The following PCYT1A variants were observed in gnomAD, a reference collection of about 807,000 sequenced individuals.
The protein encoded by PCYT1A is phosphate cytidylyltransferase 1A, choline, also known as choline-phosphate cytidylyltransferase A.
PCYT1A carries 25 observed loss-of-function variants against 43.7 expected under a neutral mutation model. The observed-to-expected ratio is 0.57, with a 90% CI of 0.42 to 0.80. The LOEUF is 0.80. PCYT1A is among the 30% of genes least tolerant of loss of function. The probability of loss-of-function intolerance (pLI) is 0.00; values close to 1 mark genes in which losing one functional copy is unlikely to be tolerated. For missense variants in PCYT1A, 421 were observed against 474.2 expected (o/e 0.89, Z 1.04); for synonymous variants, 172 against 170.7 (o/e 1.01, Z -0.06).
At chr3:196,251,289 T>TGA (rs1724773538) in intron 3 of PCYT1A, 1 of 175,068 alleles carries the variant, frequency 5.7e-6, no homozygotes, top group African/African-American at 2.4e-5. Flanking sequence ...TACACCATGC[T>TGA]GAGGTTGAGG....
chr3:196,273,238 A>C lies in PCYT1A; in HGVS notation c.-10-2697T>G, dbSNP rs572277560. Among the ~76,000 whole-genome samples the C allele has an allele frequency of 6.6e-6, 1 of 152,340 alleles. No homozygotes were observed. The highest frequency in any genetic ancestry group is 2.1e-4 in the South Asian group (1 of 4,832). On this transcript the variant is annotated intron_variant, in intron 1 of 8. Coordinates refer to ENST00000431016, the MANE Select transcript of PCYT1A (RefSeq NM_001312673.2). The surrounding 1 kb of genome is among the most constrained non-coding windows in gnomAD (Gnocchi z 4.1). ...AAGAGGGTGTCACAGCCCTGGCTCA[A>C]GGAGCTCCTAGGTCTGGGCTTCCCA...
Position 196,242,423 on chromosome 3 carries a change from T to C in PCYT1A, c.565+139A>G. 1.3e-6 allele frequency: 1 copy of C among 742,270 alleles called. No individual in the cohort carries two copies. 46.0% of individuals were successfully genotyped at this position (742,270 alleles called of 1,614,324 possible). On this transcript the variant is annotated intron_variant, in intron 6 of 8. Coordinates refer to ENST00000431016, the MANE Select transcript of PCYT1A (RefSeq NM_001312673.2). The surrounding 1 kb of genome is among the most constrained non-coding windows in gnomAD (Gnocchi z 4.2). ...GAATTGATGGGTGCTATGCTCATCT[T>C]TACCTTTTATCCAAAATGTGGCCTG...
intron 2 of PCYT1A, among the ~76,000 whole-genome samples, chr3:196,262,381 A>T (rs1045468134): frequency 3.3e-5 from 5 of 152,258 alleles, no homozygotes; most frequent in Non-Finnish European, 7.3e-5. Context: ...TCCGCAAAGT[A>T]ATTAGCATAA....
At chr3:196,241,083 C>G (rs1724332624) in intron 7 of PCYT1A, among the ~76,000 whole-genome samples, 1 of 140,400 alleles carries the variant, frequency 7.1e-6, no homozygotes, top group African/African-American at 2.7e-5. Context: ...CGCTTGAGGC[C>G]AGGAGTTTGA....
At position 196,247,261 on chromosome 3, in the gene PCYT1A, G is replaced by T; in HGVS notation, c.486+106C>A. 8.8e-7 allele frequency: 1 copy of T among 1,132,686 alleles called. No homozygotes were observed. The highest frequency in any genetic ancestry group is 1.3e-6 in the Non-Finnish European group (1 of 762,610). 70.2% of individuals were successfully genotyped at this position (1,132,686 alleles called of 1,614,324 possible). ...CATCTCCTACGAAACTTACATAAGAGGTAGAAGTAAAACACGGCTAGTGGA... is the reference window on the plus strand; with the variant it reads ...CATCTCCTACGAAACTTACATAAGATGTAGAAGTAAAACACGGCTAGTGGA... On this transcript the variant is annotated intron_variant, in intron 5 of 8. Transcript: ENST00000431016. This position sits in a 1 kb window ranked among gnomAD's most constrained non-coding sequence, Gnocchi z 4.8.
chr3:196,258,558 T>C (rs1003972114), intron 2 of PCYT1A, among the ~76,000 whole-genome samples: 1 of 151,818 alleles, frequency 6.6e-6, no homozygotes, highest in Non-Finnish European at 1.5e-5. Flanking sequence ...ATGTCATCTG[T>C]GAATATAGTT....
At chr3:196,276,020 C>T (rs1423784936) in intron 1 of PCYT1A, among the ~76,000 whole-genome samples, 1 of 151,128 alleles carries the variant, frequency 6.6e-6, no homozygotes, top group Admixed American at 6.6e-5. Context: ...TGGTGTGAAC[C>T]CGGGAGGCAG....
chr3:196,255,552 G>A (rs754280472), intron 3 of PCYT1A, among the ~76,000 whole-genome samples: 1 of 152,194 alleles, frequency 6.6e-6, no homozygotes, highest in African/African-American at 2.4e-5. Context: ...AAACAGGCCC[G>A]GCACGGTGGC....
chr3:196,247,550 A>G lies in PCYT1A; in HGVS notation c.335-32T>C. 6.2e-7 allele frequency: 1 copy of G among 1,611,144 alleles called. No individual in the cohort carries two copies. Among genetic ancestry groups the G allele is most frequent in the African/African-American group, 1.3e-5 (1 of 74,992 alleles). On this transcript the variant is annotated intron_variant, in intron 4 of 8. Coordinates refer to ENST00000431016, the MANE Select transcript of PCYT1A (RefSeq NM_001312673.2). This position sits in a 1 kb window ranked among gnomAD's most constrained non-coding sequence, Gnocchi z 4.8. ...CACCACATCATAAATTGTGTGTTGGAGTCCTCTTTGCTTAGCACCTCCTCA... is the reference window on the plus strand; with the variant it reads ...CACCACATCATAAATTGTGTGTTGGGGTCCTCTTTGCTTAGCACCTCCTCA...
chr3:196,241,852 T>C (rs752125111), intron 7 of PCYT1A, 96 bp downstream of exon 7: 46 of 1,450,778 alleles, frequency 3.2e-5, no homozygotes, highest in Non-Finnish European at 4.4e-5. Flanking sequence ...GGAGTGATCA[T>C]CAAAGCCAAC....
In PCYT1A at chr3:196,238,617, T is replaced by G; in HGVS notation, c.*71A>C. The G allele has an allele frequency of 1.9e-6, 2 of 1,050,824 alleles. No homozygotes were observed. The highest frequency in any genetic ancestry group is 2.7e-6 in the Non-Finnish European group (2 of 741,362). The allele number at this position is 1,050,824 out of a possible 1,614,324, so 65.1% of individuals were successfully genotyped here. On this transcript the variant is annotated 3_prime_UTR_variant, in exon 9 of 9. Coordinates refer to ENST00000431016, the MANE Select transcript of PCYT1A (RefSeq NM_001312673.2). ...CTTAGGTTTAGTGTTGGGGTCACAA[T>G]TTGGAATTCAACAGAGAGCTTCTGA... is the stretch of plus-strand genomic sequence containing the variant.
At chr3:196,270,651 C>T (rs1725403959) in intron 1 of PCYT1A, 110 bp from the exon 2 acceptor site, 1 of 781,552 alleles carries the variant, frequency 1.3e-6, no homozygotes. Context: ...ACCAATTCTA[C>T]AGCTGCACTT....
intron 3 of PCYT1A, among the ~76,000 whole-genome samples, chr3:196,251,918 T>C (rs1724803509): frequency 1.3e-5 from 2 of 152,196 alleles, no homozygotes; most frequent in South Asian, 2.1e-4. Context: ...TTCACTTGAT[T>C]TGATTTTTTG....
At chr3:196,258,712 C>T (rs1250910577) in intron 2 of PCYT1A, among the ~76,000 whole-genome samples, 2 of 151,924 alleles carry the variant, frequency 1.3e-5, no homozygotes, top group Non-Finnish European at 2.9e-5. Context: ...CTCAGCCTCC[C>T]GAGTAGCTGG....
chr3:196,250,237 C>T (rs1577359813), intron 3 of PCYT1A, among the ~76,000 whole-genome samples: 1 of 145,996 alleles, frequency 6.8e-6, no homozygotes, highest in Non-Finnish European at 1.5e-5. Context: ...AGGCTGAGGA[C>T]CAGGTACACC....
At chr3:196,255,551 C>T (rs1051336731) in intron 3 of PCYT1A, among the ~76,000 whole-genome samples, 7 of 152,042 alleles carry the variant, frequency 4.6e-5, no homozygotes, top group African/African-American at 9.7e-5. Flanking sequence ...GAAACAGGCC[C>T]GGCACGGTGG....
intron 7 of PCYT1A, among the ~76,000 whole-genome samples, chr3:196,241,253 C>G (rs111447998): frequency 0.12 from 18,805 of 151,570 alleles, 1,276 homozygotes; most frequent in South Asian, 0.26. Context: ...GCCGAGATCA[C>G]GCCACTGCAC....
chr3:196,247,003 G>C lies in PCYT1A; in HGVS notation c.486+364C>G, dbSNP rs1450848750. Among the ~76,000 whole-genome samples the C allele has an allele frequency of 6.6e-6, 1 of 152,122 alleles. No individual in the cohort carries two copies. The highest frequency in any genetic ancestry group is 2.4e-5 in the African/African-American group (1 of 41,422). ...TGTGGCGAGTTCAGTTCCCAGCCCT[G>C]CCAGTGGTGTAACTTGTGGCGAGTT... On this transcript the variant is annotated intron_variant, in intron 5 of 8. Coordinates refer to ENST00000431016, the MANE Select transcript of PCYT1A (RefSeq NM_001312673.2). The surrounding 1 kb of genome is among the most constrained non-coding windows in gnomAD (Gnocchi z 4.8).
chr3:196,266,346 G>A (rs1426529430), intron 2 of PCYT1A, among the ~76,000 whole-genome samples: 3 of 151,148 alleles, frequency 2.0e-5, no homozygotes, highest in East Asian at 2.0e-4. Flanking sequence ...GGTGGCGGGC[G>A]CCTGTAGTCC....
Sources: gnomAD v4.1 joint callset for allele counts (sites outside exome capture counted in the v4.1 genomes callset) on GRCh38, gnomAD v4.1.1 for gene constraint, Gnocchi (gnomAD v3.1) non-coding constraint, MANE v1.5 for transcripts, NCBI Gene and HGNC (gene_info 2026-07-23, HGNC 2026-07-21) for gene names.